The following SFMBT1 variants were observed in gnomAD, a reference collection of about 807,000 sequenced individuals.
SFMBT1 encodes scm-like with four MBT domains protein 1.
In SFMBT1, 32 loss-of-function variants were observed where a neutral mutation model predicts 108.7. The ratio of observed to expected loss-of-function variants is 0.29; its 90% confidence interval spans 0.22 to 0.40. The LOEUF is 0.40. SFMBT1 is among the 10% of genes least tolerant of loss of function. The pLI, the probability that SFMBT1 is intolerant of heterozygous loss-of-function variation, is 1.00. For synonymous variants in SFMBT1, 348 were observed against 369.5 expected (o/e 0.94, Z 0.67); for missense variants, 816 against 1,059.6 (o/e 0.77, Z 3.19).
chr3:52,908,527 A>G (rs557506719), intron 17 of SFMBT1, among the ~76,000 whole-genome samples: 2 of 152,272 alleles, frequency 1.3e-5, no homozygotes, highest in African/African-American at 4.8e-5. Flanking sequence ...GTTGAAAATC[A>G]TTTAACCATG....
At chr3:53,023,438 C>T (rs1207153815) in intron 1 of SFMBT1, among the ~76,000 whole-genome samples, 2 of 152,210 alleles carry the variant, frequency 1.3e-5, no homozygotes, top group African/African-American at 4.8e-5. Context: ...AGATCTCACT[C>T]TGTGTTATTA....
At chr3:53,026,424 C>T (rs767884528) in intron 1 of SFMBT1, among the ~76,000 whole-genome samples, 4 of 152,118 alleles carry the variant, frequency 2.6e-5, no homozygotes, top group Non-Finnish European at 4.4e-5. Flanking sequence ...AGACAGCAAA[C>T]GACTCACACG....
chr3:52,916,280 T>TTTCC (rs920152569), intron 13 of SFMBT1, 66 bp from the exon 14 acceptor site: 1 of 1,446,166 alleles, frequency 6.9e-7, no homozygotes, highest in African/African-American at 1.4e-5. Flanking sequence ...TGAGGCTTAG[T>TTTCC]TTCCTTCAAA....
At chr3:53,039,556 CAAT>C (rs1173736057) in intron 1 of SFMBT1, among the ~76,000 whole-genome samples, 1 of 152,160 alleles carries the variant, frequency 6.6e-6, no homozygotes, top group African/African-American at 2.4e-5. Flanking sequence ...GGTTACACAA[CAAT>C]GTCAATGTAC....
At chr3:52,935,012 T>TC in intron 4 of SFMBT1, 111 bp from the exon 5 acceptor site, 1 of 791,388 alleles carries the variant, frequency 1.3e-6, no homozygotes. Context: ...GATCTAAGAG[T>TC]CCAACATACT....
chr3:52,995,434 T>C (rs1698290967), intron 1 of SFMBT1, among the ~76,000 whole-genome samples: 2 of 150,380 alleles, frequency 1.3e-5, no homozygotes, highest in Middle Eastern at 3.5e-3. Context: ...TGTCGCCAAG[T>C]TTGGAATGCA....
chr3:52,944,773 A>G (rs1268658708), intron 3 of SFMBT1, among the ~76,000 whole-genome samples: 1 of 152,026 alleles, frequency 6.6e-6, no homozygotes, highest in African/African-American at 2.4e-5. Context: ...CACCCACCTC[A>G]GCCTCCCAAA....
At chr3:52,950,824 G>A (rs996455087) in intron 3 of SFMBT1, among the ~76,000 whole-genome samples, 1 of 151,626 alleles carries the variant, frequency 6.6e-6, no homozygotes, top group Non-Finnish European at 1.5e-5. Flanking sequence ...TAAAGAATAA[G>A]AAATATTAGG....
At chr3:52,943,317 A>G (rs760854737) in intron 4 of SFMBT1, 36 bp downstream of exon 4, 1 of 1,613,314 alleles carries the variant, frequency 6.2e-7, no homozygotes, top group South Asian at 1.1e-5. Context: ...CTTACAGTAA[A>G]ATCACGTCAC....
intron 1 of SFMBT1, among the ~76,000 whole-genome samples, chr3:53,022,567 T>C (rs776737519): frequency 2.6e-5 from 4 of 151,646 alleles, no homozygotes; most frequent in Non-Finnish European, 4.4e-5. Flanking sequence ...CAGTGGAATA[T>C]TATTCAGTCT....
chr3:52,957,117 CCG>C (rs1317273974), intron 2 of SFMBT1, among the ~76,000 whole-genome samples: 6 of 152,132 alleles, frequency 3.9e-5, no homozygotes, highest in Non-Finnish European at 7.3e-5. Flanking sequence ...GAAGTAACTT[CCG>C]CAAAAATCTC....
At chr3:52,942,962 G>A (rs1368477649) in intron 4 of SFMBT1, among the ~76,000 whole-genome samples, 2 of 152,058 alleles carry the variant, frequency 1.3e-5, no homozygotes, top group African/African-American at 4.8e-5. Context: ...TCATTTAAGA[G>A]TTCCTAGTTA....
intron 1 of SFMBT1, among the ~76,000 whole-genome samples, chr3:53,040,968 A>ATTTTTTTTTGTTTTTTTTTTTTTTTTT (rs1700027088): frequency 2.2e-5 from 1 of 46,360 alleles, no homozygotes; most frequent in Admixed American, 3.1e-4. Context: ...AGACACCTGA[A>ATTTTTTTTTGTTTTTTTTTTTTTTTTT]TTTTTTTTTT....
chr3:52,933,709 G>A (rs1194777638), intron 5 of SFMBT1, among the ~76,000 whole-genome samples: 1 of 152,146 alleles, frequency 6.6e-6, no homozygotes, highest in African/African-American at 2.4e-5. Flanking sequence ...AAACCAGTTT[G>A]AAATAGAGTA....
intron 1 of SFMBT1, among the ~76,000 whole-genome samples, chr3:52,982,449 C>T (rs907307511): frequency 4.6e-5 from 7 of 152,130 alleles, no homozygotes; most frequent in African/African-American, 1.4e-4. Context: ...AGATCATGGG[C>T]CGGACGCGGT....
chr3:52,945,315 C>A (rs1703330553), intron 3 of SFMBT1, among the ~76,000 whole-genome samples: 1 of 151,572 alleles, frequency 6.6e-6, no homozygotes, highest in Non-Finnish European at 1.5e-5. Context: ...CTGGCTACAT[C>A]TGGGACAATT....
intron 5 of SFMBT1, 79 bp from the exon 6 acceptor site, chr3:52,932,387 C>T: frequency 2.1e-6 from 3 of 1,426,126 alleles, no homozygotes; most frequent in Non-Finnish European, 2.8e-6. Flanking sequence ...TAAATGATCT[C>T]AAACCAGCCT....
At chr3:53,027,972 A>G (rs1197013748) in intron 1 of SFMBT1, among the ~76,000 whole-genome samples, 1 of 152,230 alleles carries the variant, frequency 6.6e-6, no homozygotes, top group Non-Finnish European at 1.5e-5. Context: ...GTAGGCATAA[A>G]TGGGTTAAAC....
chr3:53,041,976 A>C (rs1445621217), intron 1 of SFMBT1, among the ~76,000 whole-genome samples: 3 of 152,232 alleles, frequency 2.0e-5, no homozygotes, highest in Non-Finnish European at 4.4e-5. Flanking sequence ...TTTACTCATT[A>C]CAAGTTCTTT....
Sources: gnomAD v4.1 joint callset for allele counts (sites outside exome capture counted in the v4.1 genomes callset) on GRCh38, gnomAD v4.1.1 for gene constraint, MANE v1.5 for transcripts, NCBI Gene and HGNC (gene_info 2026-07-23, HGNC 2026-07-21) for gene names.